Variants in RASAL2 observed in about 807,000 individuals in gnomAD.
RASAL2 encodes ras GTPase-activating protein nGAP.
RASAL2 carries 58 observed loss-of-function variants against 128.9 expected under a neutral mutation model. The observed-to-expected ratio is 0.45, with a 90% CI of 0.36 to 0.56. The LOEUF is 0.56. RASAL2 is among the 20% of genes least tolerant of loss of function. The probability of loss-of-function intolerance (pLI) is 0.00; values close to 1 mark genes in which losing one functional copy is unlikely to be tolerated. For synonymous variants in RASAL2, 561 were observed against 580.8 expected (o/e 0.97, Z 0.49); for missense variants, 1,360 against 1,601.6 (o/e 0.85, Z 2.57).
chr1:178,319,821 G>A (rs941960022), intron 3 of RASAL2, among the ~76,000 whole-genome samples: 3 of 152,216 alleles, frequency 2.0e-5, no homozygotes, highest in African/African-American at 4.8e-5. Context: ...ATCCAGCTTT[G>A]TTCTGTTGCT....
chr1:178,319,965 G>T (rs1422234840), intron 3 of RASAL2, among the ~76,000 whole-genome samples: 1 of 151,986 alleles, frequency 6.6e-6, no homozygotes. Context: ...TGTACAGATG[G>T]GTTTTCGGTG....
At chr1:178,430,924 AC>A (rs1240129350) in intron 5 of RASAL2, among the ~76,000 whole-genome samples, 10 of 151,634 alleles carry the variant, frequency 6.6e-5, no homozygotes, top group African/African-American at 2.4e-4. Flanking sequence ...ACACACACAC[AC>A]ACACACACAC....
intron 1 of RASAL2, among the ~76,000 whole-genome samples, chr1:178,218,660 T>C (rs919804822): frequency 2.0e-5 from 3 of 152,196 alleles, no homozygotes; most frequent in Non-Finnish European, 1.5e-5. Flanking sequence ...CACTCCAGCC[T>C]GGGCGACAAG....
intron 1 of RASAL2, among the ~76,000 whole-genome samples, chr1:178,156,547 G>A (rs188685422): frequency 3.4e-4 from 51 of 152,220 alleles, no homozygotes; most frequent in East Asian, 3.9e-4. Context: ...GCTGTGCTCA[G>A]ATGCATATTT....
intron 3 of RASAL2, among the ~76,000 whole-genome samples, chr1:178,367,642 G>A (rs1671474549): frequency 6.6e-6 from 1 of 151,906 alleles, no homozygotes; most frequent in African/African-American, 2.4e-5. Context: ...TGAAAATCAG[G>A]AATACTAAGT....
Position 178,255,944 on chromosome 1 carries a change from A to G in RASAL2, c.203-27620A>G, listed in dbSNP as rs183679753. Among the ~76,000 whole-genome samples, 15 of 152,250 alleles carry G rather than the reference A, an allele frequency of 9.9e-5. No individual in the cohort carries two copies. The East Asian group carries it at 1.9e-3, about 20-fold the overall frequency. ...ATCAACTATACGTTTTCTACAGGAG[A>G]CACACTTTAAGAAATGCAAATAGGT... On this transcript the variant is annotated intron_variant, in intron 1 of 17. Transcript: ENST00000367649.
At chr1:178,208,960 G>A (rs189344763) in intron 1 of RASAL2, among the ~76,000 whole-genome samples, 1 of 151,964 alleles carries the variant, frequency 6.6e-6, no homozygotes, top group African/African-American at 2.4e-5. Context: ...AGGTTCCTCT[G>A]ATAAAATCAG....
intron 1 of RASAL2, among the ~76,000 whole-genome samples, chr1:178,135,304 T>G (rs1376332139): frequency 6.6e-6 from 1 of 152,172 alleles, no homozygotes; most frequent in Non-Finnish European, 1.5e-5. Context: ...TGTCTTGACC[T>G]TGATGGAGCT....
At position 178,126,227 on chromosome 1, in the gene RASAL2, C is replaced by T. The variant is rs190641757; in HGVS notation, c.202+31533C>T. 4.6e-3 allele frequency among the ~76,000 whole-genome samples: 698 copies of T among 152,230 alleles called. 2 individuals are homozygous for T. Among genetic ancestry groups the T allele is most frequent in the Non-Finnish European group, 7.4e-3 (500 of 68,010 alleles). On this transcript the variant is annotated intron_variant, in intron 1 of 17. Transcript: ENST00000367649. ...TGTTATTATCTTGTAATCAGTAGCA[C>T]GAAGCAGAAGACCTGGTTCCTGCCC...
chr1:178,458,623 A>G, intron 14 of RASAL2, 79 bp downstream of exon 14: 1 of 1,480,098 alleles, frequency 6.8e-7, no homozygotes, highest in African/African-American at 1.4e-5. Context: ...AATCATTGGG[A>G]AATCCTATTG....
At chr1:178,460,401 T>G (rs1401980829) in intron 14 of RASAL2, among the ~76,000 whole-genome samples, 2 of 152,218 alleles carry the variant, frequency 1.3e-5, no homozygotes, top group African/African-American at 4.8e-5. Context: ...TAGCCTTTTT[T>G]GTGCTCATCT....
intron 1 of RASAL2, among the ~76,000 whole-genome samples, chr1:178,211,999 G>A (rs764961343): frequency 3.3e-5 from 5 of 151,942 alleles, no homozygotes; most frequent in African/African-American, 4.8e-5. Context: ...TGAATGTTAC[G>A]GCTTGAGCAG....
chr1:178,333,176 C>T (rs1187182708), intron 3 of RASAL2, among the ~76,000 whole-genome samples: 1 of 152,008 alleles, frequency 6.6e-6, no homozygotes, highest in East Asian at 1.9e-4. Context: ...CTACAGGCGC[C>T]CGCCACCGCT....
Position 178,473,798 on chromosome 1 carries a change from A to G in RASAL2, c.*559A>G, listed in dbSNP as rs901365877. On this transcript the variant is annotated 3_prime_UTR_variant, in exon 18 of 18. Transcript: ENST00000367649. ...CAAATACCAAGATCCATACAAAACA[A>G]TAATTTATTCCACTGATCAACCAAG... 6.5e-6 allele frequency: 1 copy of G among 153,416 alleles called. No homozygotes were observed. Among genetic ancestry groups the G allele is most frequent in the Non-Finnish European group, 1.5e-5 (1 of 68,626 alleles). The allele number at this position is 153,416 out of a possible 1,614,324, so 9.5% of individuals were successfully genotyped here.
chr1:178,298,332 T>C (rs1667609369), intron 2 of RASAL2, among the ~76,000 whole-genome samples: 1 of 152,250 alleles, frequency 6.6e-6, no homozygotes, highest in South Asian at 2.1e-4. Context: ...CTTATTTTTG[T>C]AATTTTACAT....
At chr1:178,257,497 G>A (rs527438922) in intron 1 of RASAL2, among the ~76,000 whole-genome samples, 2 of 151,324 alleles carry the variant, frequency 1.3e-5, no homozygotes, top group African/African-American at 4.9e-5. Flanking sequence ...ATTGATTTTC[G>A]ACAAGGTTAT....
chr1:178,241,648 CCT>C (rs1163573915), intron 1 of RASAL2, among the ~76,000 whole-genome samples: 1 of 152,152 alleles, frequency 6.6e-6, no homozygotes, highest in African/African-American at 2.4e-5. Context: ...ACTTCACCTT[CCT>C]CTCTCAGAAA....
rs145595796 is a variant in RASAL2 at position 178,405,949 on chromosome 1, A to T, written c.565-14562A>T. Among the ~76,000 whole-genome samples the T allele has an allele frequency of 1.9e-4, 29 of 152,314 alleles. No homozygotes were observed. In the East Asian group the frequency reaches 5.6e-3, roughly 29 times the overall value. On this transcript the variant is annotated intron_variant, in intron 4 of 17. Coordinates refer to ENST00000367649, the MANE Select transcript of RASAL2 (RefSeq NM_170692.4). ...AGGAAAACTCTGTACTATTTTTCCA[A>T]ATTTTTTGTACATCTAAAATTACTT... is the stretch of plus-strand genomic sequence containing the variant.
chr1:178,299,022 T>C (rs893179348), intron 2 of RASAL2, among the ~76,000 whole-genome samples: 9 of 152,182 alleles, frequency 5.9e-5, no homozygotes, highest in African/African-American at 2.2e-4. Context: ...TTAGAGATTT[T>C]TTTTTACTAT....
Sources: allele counts gnomAD v4.1 joint callset (sites outside exome capture counted in the v4.1 genomes callset), GRCh38; gene constraint gnomAD v4.1.1; transcripts MANE v1.5; gene names NCBI Gene and HGNC (gene_info 2026-07-23, HGNC 2026-07-21).